The following MAGEC3 variants were observed in gnomAD, a reference collection of about 807,000 sequenced individuals.
MAGEC3 encodes the protein melanoma-associated antigen C3.
MAGEC3 carries 34 observed loss-of-function variants against 35.3 expected under a neutral mutation model. The observed-to-expected ratio is 0.96, with a 90% CI of 0.73 to 1.28. MAGEC3 has a LOEUF of 1.28. MAGEC3 is among the 50% of genes most tolerant of loss of function. The pLI is 0.00. For missense variants in MAGEC3, 561 were observed against 483.6 expected, an observed-to-expected ratio of 1.16 and a Z score of -1.50; for synonymous variants, 202 against 185.6, an observed-to-expected ratio of 1.09 and a Z score of -0.72.
chrX:141,852,756 T>G (rs1389517591), intron 1 of MAGEC3, among the ~76,000 whole-genome samples: 1 of 111,574 alleles, frequency 9.0e-6, no homozygotes. Flanking sequence ...AATGTTAAGC[T>G]AATCTTGATT....
intron 1 of MAGEC3, among the ~76,000 whole-genome samples, chrX:141,846,892 A>T (rs1013768624): frequency 9.0e-6 from 1 of 111,067 alleles, no homozygotes; most frequent in African/African-American, 3.3e-5. Flanking sequence ...GCTGTAGTTT[A>T]CTTCCACTGG....
Position 141,897,067 on chromosome X carries a change from G to A in MAGEC3, c.1309G>A (p.Glu437Lys). The A allele has an allele frequency of 8.3e-7, 1 of 1,211,611 alleles. No homozygotes were observed. Residue 437 changes from glutamate to lysine, a missense_variant, in exon 7 of 8, where the codon GAG becomes AAG. Coordinates refer to ENST00000298296, the MANE Select transcript of MAGEC3 (RefSeq NM_138702.1). ...GGATGAGGAGTCCAGCAGTGAAGAG[G>A]AGGATACAGCTACTTGGCATGCCTT... ...RLDEESSSEEEDTATWHALPE... is the reference protein window; with the variant it reads ...RLDEESSSEEKDTATWHALPE...
At chrX:141,860,810 G>A (rs192385848) in intron 1 of MAGEC3, among the ~76,000 whole-genome samples, 2 of 111,713 alleles carry the variant, frequency 1.8e-5, no homozygotes, top group Admixed American at 1.9e-4. Context: ...GGTGGGGAAT[G>A]TGGAGTTGTT....
intron 1 of MAGEC3, chrX:141,839,733 A>T: frequency 1.3e-6 from 1 of 746,421 alleles, no homozygotes; most frequent in Non-Finnish European, 1.6e-6. Context: ...TTTTCCCTGG[A>T]TCATTACTTA....
intron 1 of MAGEC3, among the ~76,000 whole-genome samples, chrX:141,860,679 A>C (rs1188727736): frequency 8.9e-6 from 1 of 112,535 alleles, no homozygotes; most frequent in African/African-American, 3.2e-5. Flanking sequence ...ATTATGCTAA[A>C]TTAAATAAAC....
intron 1 of MAGEC3, among the ~76,000 whole-genome samples, chrX:141,864,987 T>C (rs2124100070): frequency 8.9e-6 from 1 of 112,063 alleles, no homozygotes; most frequent in African/African-American, 3.2e-5. Context: ...TCTAATGATG[T>C]AGGATAATTT....
chrX:141,896,012 A>G (rs1186437614), intron 6 of MAGEC3, among the ~76,000 whole-genome samples: 1 of 110,292 alleles, frequency 9.1e-6, no homozygotes, highest in Non-Finnish European at 1.9e-5. Flanking sequence ...AGTGGTAGGG[A>G]CATGGCCCTG....
At chrX:141,893,770 T>C (rs1008224471) in intron 4 of MAGEC3, among the ~76,000 whole-genome samples, 3 of 108,085 alleles carry the variant, frequency 2.8e-5, no homozygotes, top group African/African-American at 1.0e-4. Context: ...GTTTTCTCTC[T>C]GTATTTTTGG....
intron 4 of MAGEC3, among the ~76,000 whole-genome samples, chrX:141,885,472 C>G (rs2017995575): frequency 9.2e-6 from 1 of 108,110 alleles, no homozygotes; most frequent in African/African-American, 3.4e-5. Flanking sequence ...CAAGACTAGC[C>G]TGGCCAAGAT....
intron 1 of MAGEC3, among the ~76,000 whole-genome samples, chrX:141,860,825 G>C (rs2017810876): frequency 9.0e-6 from 1 of 111,396 alleles, no homozygotes; most frequent in Non-Finnish European, 1.9e-5. Context: ...GTTGTTTAAT[G>C]GATAAAGAGT....
chrX:141,884,957 C>A (rs1404932497), intron 4 of MAGEC3, among the ~76,000 whole-genome samples: 2 of 111,456 alleles, frequency 1.8e-5, no homozygotes, highest in Non-Finnish European at 3.8e-5. Flanking sequence ...GTCTTATCTC[C>A]TGTAGAGAAA....
Position 141,852,517 on chromosome X carries a change from A to G in MAGEC3, c.124-12954A>G, listed in dbSNP as rs1369807627. 6.3e-5 allele frequency among the ~76,000 whole-genome samples: 7 copies of G among 110,941 alleles called. No individual in the cohort carries two copies. In the East Asian group the frequency reaches 1.2e-3, roughly 18 times the overall value. On this transcript the variant is annotated intron_variant, in intron 1 of 7. Coordinates refer to ENST00000298296, the MANE Select transcript of MAGEC3 (RefSeq NM_138702.1). ...TGGTCGTTGTCTTGTTTTTGATATT[A>G]GGAGAACAGATTACAGTCTTTCATC...
At chrX:141,856,469 G>A (rs1473148208) in intron 1 of MAGEC3, among the ~76,000 whole-genome samples, 1 of 110,972 alleles carries the variant, frequency 9.0e-6, no homozygotes, top group African/African-American at 3.3e-5. Flanking sequence ...AATATTTAAT[G>A]ATTACTTTTA....
intron 1 of MAGEC3, among the ~76,000 whole-genome samples, chrX:141,849,230 G>A (rs753407739): frequency 1.8e-5 from 2 of 110,958 alleles, no homozygotes; most frequent in African/African-American, 3.3e-5. Flanking sequence ...AGCCATATGC[G>A]GAAGAATGAA....
At chrX:141,872,751 C>A (rs1383567394) in intron 2 of MAGEC3, among the ~76,000 whole-genome samples, 1 of 111,944 alleles carries the variant, frequency 8.9e-6, no homozygotes, top group African/African-American at 3.3e-5. Flanking sequence ...ATATCCACTG[C>A]AGGTCATTGG....
At chrX:141,843,530 C>A (rs192381811) in intron 1 of MAGEC3, among the ~76,000 whole-genome samples, 9 of 111,433 alleles carry the variant, frequency 8.1e-5, no homozygotes, top group African/African-American at 2.9e-4. Flanking sequence ...CTAAAGAATA[C>A]GTGTGAGGGA....
chrX:141,893,666 G>GTGTC (rs2018060021), intron 4 of MAGEC3, among the ~76,000 whole-genome samples: 2 of 102,914 alleles, frequency 1.9e-5, no homozygotes, highest in South Asian at 9.7e-4. Context: ...GTGTGTGTGT[G>GTGTC]TGTGTGTGTC....
intron 2 of MAGEC3, among the ~76,000 whole-genome samples, chrX:141,869,135 C>T (rs1052426618): frequency 3.6e-5 from 4 of 110,612 alleles, no homozygotes; most frequent in South Asian, 7.5e-4. Flanking sequence ...CCACCTGCCT[C>T]GGTCTCCCAA....
In MAGEC3 at chrX:141,850,800, G is replaced by T. The variant is rs1197032119; in HGVS notation, c.123+12362G>T. Among the ~76,000 whole-genome samples, 3 of 111,237 alleles carry T rather than the reference G, an allele frequency of 2.7e-5. No homozygotes were observed. The Admixed American group carries it at 2.9e-4, about 11-fold the overall frequency. ...TTTAAAGAAGATAAAAAGATTATAA[G>T]AGAATACTATGAAAATTTTATGCCC... On this transcript the variant is annotated intron_variant, in intron 1 of 7. Transcript: ENST00000298296.
Sources: allele counts gnomAD v4.1 joint callset (sites outside exome capture counted in the v4.1 genomes callset), GRCh38; gene constraint gnomAD v4.1.1; transcripts MANE v1.5; gene names NCBI Gene and HGNC (gene_info 2026-07-23, HGNC 2026-07-21).